The following IMMP2L variants were observed in gnomAD, a reference collection of about 807,000 sequenced individuals.
IMMP2L encodes inner mitochondrial membrane peptidase subunit 2.
IMMP2L carries 18 observed loss-of-function variants against 19.3 expected under a neutral mutation model. The observed-to-expected ratio is 0.93, with a 90% CI of 0.64 to 1.38. The LOEUF is 1.38. Ranked by LOEUF, IMMP2L falls within the 40% of genes most tolerant of loss-of-function variation. IMMP2L has a pLI of 0.00. For synonymous variants in IMMP2L, 76 were observed against 73.0 expected, an observed-to-expected ratio of 1.04 and a Z score of -0.21; for missense variants, 233 against 218.2, an observed-to-expected ratio of 1.07 and a Z score of -0.43.
rs184727206 is a variant in IMMP2L, at chr7:110,893,426, G to A, written c.306-6731C>T. Among the ~76,000 whole-genome samples, 511 of 152,156 alleles carry A rather than the reference G, an allele frequency of 3.4e-3. 2 individuals are homozygous for A. Among genetic ancestry groups the A allele is most frequent in the African/African-American group, 0.011 (473 of 41,532 alleles). On this transcript the variant is annotated intron_variant, in intron 4 of 5. Transcript: ENST00000405709. ...TTCTGGCTTCTTACTTTAGTCTAACGCTTTTGAGATCAGTTCACATTGTTC... is the reference window on the plus strand; with the variant it reads ...TTCTGGCTTCTTACTTTAGTCTAACACTTTTGAGATCAGTTCACATTGTTC...
chr7:110,736,053 C>T (rs1292446906), intron 5 of IMMP2L, among the ~76,000 whole-genome samples: 1 of 152,020 alleles, frequency 6.6e-6, no homozygotes. Flanking sequence ...GTCTCTGCTC[C>T]CAAAATTCAG....
At chr7:111,428,245 CTTCT>C (rs946604691) in intron 3 of IMMP2L, among the ~76,000 whole-genome samples, 4 of 151,576 alleles carry the variant, frequency 2.6e-5, no homozygotes, top group Middle Eastern at 3.2e-3. Flanking sequence ...GTCACTCTGT[CTTCT>C]TTGTCTAAAA....
chr7:111,317,791 A>G (rs1317326201), intron 3 of IMMP2L, among the ~76,000 whole-genome samples: 1 of 152,174 alleles, frequency 6.6e-6, no homozygotes, highest in Non-Finnish European at 1.5e-5. Context: ...CTTTAAACAT[A>G]TTAATAATAA....
intron 4 of IMMP2L, among the ~76,000 whole-genome samples, chr7:110,917,167 C>T (rs1404899704): frequency 6.6e-6 from 1 of 152,126 alleles, no homozygotes; most frequent in East Asian, 1.9e-4. Context: ...AGTGATACAT[C>T]CTCAAGCTCA....
intron 2 of IMMP2L, among the ~76,000 whole-genome samples, chr7:111,518,561 AGAG>A: frequency 6.6e-6 from 1 of 152,266 alleles, no homozygotes; most frequent in Middle Eastern, 3.4e-3. Flanking sequence ...AGAAATTTAA[AGAG>A]AAGAATTTAT....
intron 2 of IMMP2L, among the ~76,000 whole-genome samples, chr7:111,494,904 A>C (rs1249517210): frequency 6.6e-6 from 1 of 152,148 alleles, no homozygotes; most frequent in Non-Finnish European, 1.5e-5. Flanking sequence ...GTAAACTGAA[A>C]GTATTCAGGC....
chr7:111,504,681 A>C (rs531251126), intron 2 of IMMP2L, among the ~76,000 whole-genome samples: 2,489 of 152,288 alleles, frequency 0.016, 66 homozygotes, highest in African/African-American at 0.057. Flanking sequence ...ATCTACAACC[A>C]TCTGATCTTT....
intron 2 of IMMP2L, among the ~76,000 whole-genome samples, chr7:111,488,508 C>T (rs114761115): frequency 0.011 from 1,606 of 152,232 alleles, 34 homozygotes; most frequent in African/African-American, 0.035. Context: ...CTGTGAATAA[C>T]ATTATTTCGT....
At chr7:111,291,728 A>G (rs1016348491) in intron 3 of IMMP2L, among the ~76,000 whole-genome samples, 1 of 152,158 alleles carries the variant, frequency 6.6e-6, no homozygotes, top group Non-Finnish European at 1.5e-5. Flanking sequence ...GCATATTTCA[A>G]AATTACTAAA....
intron 3 of IMMP2L, among the ~76,000 whole-genome samples, chr7:111,068,120 T>C (rs968389955): frequency 5.3e-5 from 8 of 152,158 alleles, no homozygotes; most frequent in African/African-American, 1.9e-4. Flanking sequence ...GAAGAGTATA[T>C]GTATATGTGT....
chr7:110,952,772 C>G (rs891884130), intron 4 of IMMP2L, among the ~76,000 whole-genome samples: 2 of 151,946 alleles, frequency 1.3e-5, no homozygotes, highest in Non-Finnish European at 2.9e-5. Flanking sequence ...TTATTTTAGC[C>G]CATGGACTAC....
chr7:111,500,576 C>A (rs1844112095), intron 2 of IMMP2L, among the ~76,000 whole-genome samples: 1 of 152,148 alleles, frequency 6.6e-6, no homozygotes, highest in Admixed American at 6.5e-5. Context: ...AGACTGACAC[C>A]TCACATGGCC....
At chr7:110,743,407 G>T (rs1220488081) in intron 5 of IMMP2L, among the ~76,000 whole-genome samples, 1 of 152,126 alleles carries the variant, frequency 6.6e-6, no homozygotes, top group African/African-American at 2.4e-5. Context: ...AGTATTAAAT[G>T]AAAGTTAATA....
At chr7:111,224,068 T>G (rs1211665432) in intron 3 of IMMP2L, among the ~76,000 whole-genome samples, 10 of 152,102 alleles carry the variant, frequency 6.6e-5, no homozygotes, top group Non-Finnish European at 1.5e-4. Context: ...TGCCACTCAC[T>G]GTGTGGCCTT....
intron 3 of IMMP2L, chr7:111,392,043 T>A: frequency 1.4e-6 from 1 of 700,074 alleles, no homozygotes; most frequent in East Asian, 2.7e-5. Flanking sequence ...AATTCTTCAT[T>A]ACCAGCTTGA....
intron 3 of IMMP2L, among the ~76,000 whole-genome samples, chr7:111,285,660 C>T (rs1382080053): frequency 6.6e-6 from 1 of 152,156 alleles, no homozygotes; most frequent in Non-Finnish European, 1.5e-5. Context: ...CCTCACCAAT[C>T]AGAATTCATT....
chr7:110,978,381 T>C (rs190438549), intron 3 of IMMP2L, among the ~76,000 whole-genome samples: 17 of 152,124 alleles, frequency 1.1e-4, no homozygotes, highest in Non-Finnish European at 2.5e-4. Context: ...CAAATGAATA[T>C]TTCCCAAAAA....
At chr7:111,100,424 AAATAT>A (rs1224883836) in intron 3 of IMMP2L, among the ~76,000 whole-genome samples, 2 of 148,108 alleles carry the variant, frequency 1.4e-5, no homozygotes, top group Admixed American at 6.8e-5. Flanking sequence ...ATATATAATA[AAATAT>A]ATGTAATGAA....
chr7:111,249,781 T>C (rs1255788053), intron 3 of IMMP2L, among the ~76,000 whole-genome samples: 1 of 152,160 alleles, frequency 6.6e-6, no homozygotes, highest in Non-Finnish European at 1.5e-5. Flanking sequence ...CAGAGCCATA[T>C]ATGATAAATC....
Sources: gnomAD v4.1 joint callset for allele counts (sites outside exome capture counted in the v4.1 genomes callset) on GRCh38, gnomAD v4.1.1 for gene constraint, MANE v1.5 for transcripts, NCBI Gene and HGNC (gene_info 2026-07-23, HGNC 2026-07-21) for gene names.